The following HHAT variants were observed in gnomAD, a reference collection of about 807,000 sequenced individuals.
HHAT encodes protein-cysteine N-palmitoyltransferase HHAT.
A neutral mutation model predicts 70.8 loss-of-function variants in HHAT; 47 were observed. The ratio of observed to expected loss-of-function variants is 0.66; its 90% CI spans 0.53 to 0.85. HHAT has a LOEUF of 0.85. Among genes scored for constraint, HHAT ranks in the 40% least tolerant of loss-of-function variants. The probability of loss-of-function intolerance (pLI) is 0.00; values close to 1 mark genes in which losing one functional copy is unlikely to be tolerated. For missense variants in HHAT, 609 were observed against 604.8 expected, an observed-to-expected ratio of 1.01 and a Z score of -0.07; for synonymous variants, 228 against 247.6, an observed-to-expected ratio of 0.92 and a Z score of 0.74.
intron 8 of HHAT, among the ~76,000 whole-genome samples, chr1:210,504,196 C>G (rs1014302037): frequency 2.3e-4 from 35 of 152,184 alleles, no homozygotes; most frequent in African/African-American, 8.4e-4. Flanking sequence ...CTAAGCATCT[C>G]TTGTAGCTCT....
At chr1:210,604,684 G>A (rs149400587) in intron 10 of HHAT, among the ~76,000 whole-genome samples, 2 of 152,092 alleles carry the variant, frequency 1.3e-5, no homozygotes, top group Non-Finnish European at 2.9e-5. Context: ...TCACCCTAGG[G>A]AGGTTTTGAT....
At chr1:210,394,692 A>G (rs2091680589) in intron 4 of HHAT, among the ~76,000 whole-genome samples, 1 of 152,156 alleles carries the variant, frequency 6.6e-6, no homozygotes, top group Admixed American at 6.5e-5. Context: ...GGCGCAGGTA[A>G]TGCAAAGGGC....
chr1:210,545,133 C>T (rs1465187207), intron 9 of HHAT, among the ~76,000 whole-genome samples: 1 of 151,902 alleles, frequency 6.6e-6, no homozygotes, highest in Non-Finnish European at 1.5e-5. Flanking sequence ...TTAAAATACT[C>T]CAGTGATTAC....
chr1:210,580,794 A>G lies in HHAT; in HGVS notation c.1044-7104A>G, dbSNP rs886880369. On this transcript the variant is annotated intron_variant, in intron 9 of 11. Coordinates refer to ENST00000261458, the MANE Select transcript of HHAT (RefSeq NM_018194.6). Reference sequence around the variant, plus strand: ...AGTGCTGCAAAAAACATATGTGTGCATGTGTCTTTATAGTAGAATGATTTA... The same window carrying G: ...AGTGCTGCAAAAAACATATGTGTGCGTGTGTCTTTATAGTAGAATGATTTA... 5.3e-5 allele frequency among the ~76,000 whole-genome samples: 8 copies of G among 152,218 alleles called. No individual in the cohort carries two copies. In the East Asian group the frequency reaches 1.4e-3, roughly 26 times the overall value.
At chr1:210,556,244 C>T (rs905639345) in intron 9 of HHAT, among the ~76,000 whole-genome samples, 2 of 152,046 alleles carry the variant, frequency 1.3e-5, no homozygotes, top group Admixed American at 1.3e-4. Flanking sequence ...GAGAGTTTTC[C>T]CTCAAGTGGT....
At chr1:210,500,274 G>A (rs1019542471) in intron 8 of HHAT, among the ~76,000 whole-genome samples, 6 of 152,198 alleles carry the variant, frequency 3.9e-5, no homozygotes, top group Admixed American at 2.0e-4. Context: ...CTGCTGAAGG[G>A]TAGAATGAGG....
chr1:210,644,784 C>T (rs367957925), intron 11 of HHAT, among the ~76,000 whole-genome samples: 12 of 152,040 alleles, frequency 7.9e-5, no homozygotes, highest in African/African-American at 2.2e-4. Flanking sequence ...AATTTTAATT[C>T]GGTCTTTTCT....
intron 8 of HHAT, among the ~76,000 whole-genome samples, chr1:210,481,570 C>G (rs983451401): frequency 6.6e-6 from 1 of 152,114 alleles, no homozygotes; most frequent in Non-Finnish European, 1.5e-5. Flanking sequence ...AAAGGATACT[C>G]CTAGTATGAG....
At chr1:210,637,467 A>G (rs1672089612) in intron 11 of HHAT, among the ~76,000 whole-genome samples, 3 of 152,224 alleles carry the variant, frequency 2.0e-5, no homozygotes, top group Non-Finnish European at 4.4e-5. Context: ...CAAGAAAACG[A>G]AAATACATCC....
chr1:210,412,062 C>A (rs2092576479), intron 6 of HHAT, among the ~76,000 whole-genome samples: 1 of 152,100 alleles, frequency 6.6e-6, no homozygotes, highest in Non-Finnish European at 1.5e-5. Flanking sequence ...CAGGATGGTA[C>A]CTGTCACTGT....
intron 10 of HHAT, among the ~76,000 whole-genome samples, chr1:210,596,193 G>A (rs1246339291): frequency 6.6e-6 from 1 of 152,146 alleles, no homozygotes; most frequent in Admixed American, 6.5e-5. Context: ...CATATGGCTA[G>A]CCAGTTTTCC....
intron 10 of HHAT, among the ~76,000 whole-genome samples, chr1:210,597,444 G>A (rs1371456119): frequency 1.3e-5 from 2 of 152,098 alleles, no homozygotes; most frequent in Non-Finnish European, 2.9e-5. Flanking sequence ...TCCTGGGTGG[G>A]TCCTAAGATG....
intron 9 of HHAT, among the ~76,000 whole-genome samples, chr1:210,542,487 TAA>T (rs760515327): frequency 1.2e-3 from 175 of 148,816 alleles, no homozygotes; most frequent in African/African-American, 4.1e-3. Flanking sequence ...GTGTTTTAGT[TAA>T]AAAAAAAATA....
intron 8 of HHAT, among the ~76,000 whole-genome samples, chr1:210,511,965 C>A (rs557964540): frequency 6.8e-4 from 103 of 151,964 alleles, no homozygotes; most frequent in African/African-American, 2.3e-3. Context: ...ACAGTCCGAC[C>A]CAAAGGGAGA....
At chr1:210,614,082 T>G (rs1000441350) in intron 10 of HHAT, among the ~76,000 whole-genome samples, 9 of 151,996 alleles carry the variant, frequency 5.9e-5, no homozygotes, top group Non-Finnish European at 8.8e-5. Flanking sequence ...TTTGTATTTA[T>G]GTCTTCTTTC....
chr1:210,587,845 A>T (rs1660808782), intron 9 of HHAT, 53 bp from the exon 10 acceptor site: 5 of 1,332,522 alleles, frequency 3.8e-6, no homozygotes, highest in Non-Finnish European at 5.3e-6. Flanking sequence ...GGGAGCAGAT[A>T]GAGTTGCAGG....
intron 9 of HHAT, among the ~76,000 whole-genome samples, chr1:210,573,071 T>C (rs913584598): frequency 3.9e-5 from 6 of 152,244 alleles, no homozygotes; most frequent in African/African-American, 1.4e-4. Flanking sequence ...TCCCCTCTGC[T>C]TTGATAGAAA....
chr1:210,481,627 TG>T (rs1389442988), intron 8 of HHAT, among the ~76,000 whole-genome samples: 3 of 152,244 alleles, frequency 2.0e-5, no homozygotes, highest in Admixed American at 6.5e-5. Flanking sequence ...CTCACCCAGC[TG>T]AGGTCCTCAG....
At chr1:210,541,592 T>C (rs2095431320) in intron 9 of HHAT, among the ~76,000 whole-genome samples, 1 of 152,140 alleles carries the variant, frequency 6.6e-6, no homozygotes, top group Non-Finnish European at 1.5e-5. Context: ...CTGGGTGTGG[T>C]GGCGCGTGCC....
Sources: gnomAD v4.1 joint callset for allele counts (sites outside exome capture counted in the v4.1 genomes callset) on GRCh38, gnomAD v4.1.1 for gene constraint, MANE v1.5 for transcripts, NCBI Gene and HGNC (gene_info 2026-07-23, HGNC 2026-07-21) for gene names.